The following CNTNAP5 variants were observed in gnomAD, a reference collection of about 807,000 sequenced individuals.
CNTNAP5 encodes the protein contactin-associated protein-like 5.
In CNTNAP5, 72 loss-of-function variants were observed where a neutral mutation model predicts 150.2. That is an observed-to-expected ratio of 0.48 (90% confidence interval 0.40 to 0.58). The LOEUF (loss-of-function observed/expected upper bound fraction) is 0.58. CNTNAP5 is among the 20% of genes least tolerant of loss of function. The pLI is 0.00. For missense variants in CNTNAP5, 1,636 were observed against 1,626.2 expected, an observed-to-expected ratio of 1.01 and a Z score of -0.10; for synonymous variants, 672 against 619.8, an observed-to-expected ratio of 1.08 and a Z score of -1.25.
chr2:124,432,818 G>A (rs956197331), intron 4 of CNTNAP5, among the ~76,000 whole-genome samples: 1 of 152,170 alleles, frequency 6.6e-6, no homozygotes, highest in Admixed American at 6.5e-5. Context: ...ATCATTTGGG[G>A]TAAGAAGGTA....
chr2:124,898,277 T>G (rs1196089429), intron 21 of CNTNAP5, among the ~76,000 whole-genome samples: 2 of 151,502 alleles, frequency 1.3e-5, no homozygotes, highest in African/African-American at 4.9e-5. Flanking sequence ...CATAAGTAAC[T>G]TTTCACACAT....
rs1325086921 is a variant in CNTNAP5, at chr2:124,745,385, C to A, written c.2078-1844C>A. ...TGAGAGATTTCTTTCCATTCTTGGG[C>A]CCAAGGACAACACTGACAAATGTAT... On this transcript the variant is annotated intron_variant, in intron 13 of 23. Coordinates refer to ENST00000682447, the MANE Select transcript of CNTNAP5 (RefSeq NM_001367498.1). 2.0e-5 allele frequency among the ~76,000 whole-genome samples: 3 copies of A among 152,138 alleles called. No homozygotes were observed. In the South Asian group the frequency reaches 6.2e-4, roughly 32 times the overall value.
At chr2:124,810,914 C>G (rs1237574057) in intron 19 of CNTNAP5, among the ~76,000 whole-genome samples, 1 of 151,986 alleles carries the variant, frequency 6.6e-6, no homozygotes, top group East Asian at 1.9e-4. Flanking sequence ...ACCAGGATAG[C>G]CCCCCGATGA....
chr2:124,316,384 G>T (rs529572081), intron 3 of CNTNAP5, among the ~76,000 whole-genome samples: 55 of 152,292 alleles, frequency 3.6e-4, no homozygotes, highest in Non-Finnish European at 6.8e-4. Context: ...GCACATGAGT[G>T]AATTGGTGAT....
intron 1 of CNTNAP5, among the ~76,000 whole-genome samples, chr2:124,130,519 A>G (rs1427271875): frequency 6.6e-6 from 1 of 152,064 alleles, no homozygotes; most frequent in African/African-American, 2.4e-5. Flanking sequence ...GAAAATGATC[A>G]TTCCTGAAAA....
At chr2:124,121,914 A>G (rs1233584547) in intron 1 of CNTNAP5, among the ~76,000 whole-genome samples, 1 of 152,202 alleles carries the variant, frequency 6.6e-6, no homozygotes, top group Non-Finnish European at 1.5e-5. Context: ...TGAACTGTAC[A>G]AGACAGATGC....
At chr2:124,154,309 G>T (rs754237583) in intron 1 of CNTNAP5, among the ~76,000 whole-genome samples, 2 of 152,120 alleles carry the variant, frequency 1.3e-5, no homozygotes, top group African/African-American at 2.4e-5. Flanking sequence ...AGTGCAAGGG[G>T]TTTGATTGGG....
chr2:124,594,767 G>A (rs1696783502), intron 11 of CNTNAP5, among the ~76,000 whole-genome samples: 1 of 128,082 alleles, frequency 7.8e-6, no homozygotes, highest in African/African-American at 2.8e-5. Flanking sequence ...TCCTACCCAT[G>A]AGCATGGAAT....
intron 2 of CNTNAP5, among the ~76,000 whole-genome samples, chr2:124,240,718 G>T (rs183891644): frequency 6.6e-6 from 1 of 152,058 alleles, no homozygotes; most frequent in Admixed American, 6.6e-5. Flanking sequence ...AGGGCTAGCT[G>T]CTTACTGAAG....
intron 3 of CNTNAP5, among the ~76,000 whole-genome samples, chr2:124,361,431 T>G (rs1690193966): frequency 7.0e-6 from 1 of 143,546 alleles, no homozygotes; most frequent in Non-Finnish European, 1.5e-5. Flanking sequence ...TTTCCCCATC[T>G]TTGTGGTTTT....
At chr2:124,778,005 G>A (rs1681363496) in intron 17 of CNTNAP5, among the ~76,000 whole-genome samples, 1 of 152,090 alleles carries the variant, frequency 6.6e-6, no homozygotes, top group South Asian at 2.1e-4. Context: ...GAAATCATTA[G>A]AAGAGCATCA....
chr2:124,323,705 G>A (rs1424351126), intron 3 of CNTNAP5, among the ~76,000 whole-genome samples: 1 of 152,156 alleles, frequency 6.6e-6, no homozygotes, highest in Non-Finnish European at 1.5e-5. Flanking sequence ...GCCTCCTGAG[G>A]AGGCTTTCAG....
At chr2:124,849,608 G>T (rs563854262) in intron 19 of CNTNAP5, among the ~76,000 whole-genome samples, 1 of 152,142 alleles carries the variant, frequency 6.6e-6, no homozygotes, top group Non-Finnish European at 1.5e-5. Context: ...CATTGAATTT[G>T]TAGCTCATTT....
chr2:124,865,436 G>C lies in CNTNAP5; in HGVS notation c.3348G>C (p.Gln1116His). Residue 1116 changes from glutamine to histidine, a missense_variant and splice_region_variant, in exon 20 of 24, where the codon CAG becomes CAC. Transcript: ENST00000682447. ...GAGAGGGAAGAGAGCTTACCATTCAGGTACCTTCCTTACTTTCTCCTGCTT... is the reference window on the plus strand; with the variant it reads ...GAGAGGGAAGAGAGCTTACCATTCACGTACCTTCCTTACTTTCTCCTGCTT... ...INREGRELTI[Q>H]MDQQLRLSYN... 1 of 1,551,334 alleles carries C rather than the reference G, an allele frequency of 6.4e-7. No individual in the cohort carries two copies. Among genetic ancestry groups the C allele is most frequent in the South Asian group, 1.2e-5 (1 of 84,014 alleles).
intron 1 of CNTNAP5, among the ~76,000 whole-genome samples, chr2:124,101,624 A>G (rs1683065072): frequency 6.6e-6 from 1 of 152,230 alleles, no homozygotes; most frequent in Non-Finnish European, 1.5e-5. Context: ...GAGCAAGTTC[A>G]GATAAGGCTT....
intron 1 of CNTNAP5, among the ~76,000 whole-genome samples, chr2:124,042,170 T>A (rs1681391925): frequency 6.6e-6 from 1 of 152,152 alleles, no homozygotes; most frequent in South Asian, 2.1e-4. Flanking sequence ...CAATTAAAAA[T>A]TTTTAAAAGA....
intron 1 of CNTNAP5, among the ~76,000 whole-genome samples, chr2:124,028,003 A>G (rs534237109): frequency 5.3e-5 from 8 of 152,272 alleles, no homozygotes; most frequent in Non-Finnish European, 1.2e-4. Context: ...ACTTGGGTTT[A>G]TTTTTATCTA....
chr2:124,212,869 T>C (rs1272242126), intron 1 of CNTNAP5, among the ~76,000 whole-genome samples: 2 of 142,052 alleles, frequency 1.4e-5, no homozygotes, highest in Admixed American at 7.2e-5. Flanking sequence ...GATGGAGTCT[T>C]GCTCTGTCAC....
chr2:124,827,213 C>A (rs901765819), intron 19 of CNTNAP5, among the ~76,000 whole-genome samples: 4 of 152,094 alleles, frequency 2.6e-5, no homozygotes, highest in Non-Finnish European at 5.9e-5. Flanking sequence ...TATGAGCCAC[C>A]GCACCTGGCC....
Sources: allele counts gnomAD v4.1 joint callset (sites outside exome capture counted in the v4.1 genomes callset), GRCh38; gene constraint gnomAD v4.1.1; transcripts MANE v1.5; gene names NCBI Gene and HGNC (gene_info 2026-07-23, HGNC 2026-07-21).